The following DOCK8 variants were observed in gnomAD, a reference collection of about 807,000 sequenced individuals.
DOCK8 encodes the protein dedicator of cytokinesis 8.
In DOCK8, 141 loss-of-function variants were observed where a neutral mutation model predicts 245.6. The ratio of observed to expected loss-of-function variants is 0.57; its 90% CI spans 0.50 to 0.66. The LOEUF is 0.66. Ranked by LOEUF, DOCK8 falls within the 30% of genes least tolerant of loss-of-function variation. The probability of loss-of-function intolerance (pLI) is 0.00; values close to 1 mark genes in which losing one functional copy is unlikely to be tolerated. For synonymous variants in DOCK8, 1,168 were observed against 970.2 expected (o/e 1.20, Z -3.79); for missense variants, 2,965 against 2,603.4 (o/e 1.14, Z -3.02).
intron 15 of DOCK8, chr9:369,329 A>T (rs1433926086): frequency 6.6e-6 from 1 of 152,290 alleles, no homozygotes; most frequent in Non-Finnish European, 1.5e-5. Context: ...GGCAACCAAG[A>T]TGCCCAGCCA....
At chr9:274,753 A>C (rs2048279244) in intron 2 of DOCK8, among the ~76,000 whole-genome samples, 1 of 152,104 alleles carries the variant, frequency 6.6e-6, no homozygotes, top group Admixed American at 6.6e-5. Context: ...TCATCTAAAG[A>C]CTCTCAACCT....
intron 1 of DOCK8, among the ~76,000 whole-genome samples, chr9:230,301 C>CATT (rs200079221): frequency 0.011 from 1,695 of 151,286 alleles, 17 homozygotes; most frequent in African/African-American, 0.04. Context: ...TCCAGTCTAT[C>CATT]GTTGGGCATT....
chr9:251,652 C>G (rs2047648687), intron 1 of DOCK8, among the ~76,000 whole-genome samples: 1 of 152,112 alleles, frequency 6.6e-6, no homozygotes, highest in Non-Finnish European at 1.5e-5. Flanking sequence ...ACCAGTAAAG[C>G]CTTGTACAAG....
chr9:231,139 C>G lies in DOCK8; in HGVS notation c.53+16110C>G, dbSNP rs1227019322. 2.6e-5 allele frequency among the ~76,000 whole-genome samples: 4 copies of G among 151,958 alleles called. No individual in the cohort carries two copies. The South Asian group carries it at 8.3e-4, about 32-fold the overall frequency. The stretch of plus-strand genomic sequence containing the variant: ...ACATATGGCTAGCCAGTTTTCCCAG[C>G]ACCATTTATTAAATAGGGAATCCTT... On this transcript the variant is annotated intron_variant, in intron 1 of 47. Transcript: ENST00000432829.
intron 20 of DOCK8, among the ~76,000 whole-genome samples, chr9:378,930 T>A (rs66530828): frequency 6.6e-6 from 1 of 152,120 alleles, no homozygotes; most frequent in African/African-American, 2.4e-5. Context: ...ATCATGTAAC[T>A]CAGTTTCACT....
chr9:454,876 A>G (rs554527370), intron 46 of DOCK8, among the ~76,000 whole-genome samples: 16 of 152,322 alleles, frequency 1.1e-4, no homozygotes, highest in African/African-American at 3.8e-4. Flanking sequence ...TACTCCAAAA[A>G]GAACCAGTGC....
chr9:442,608 G>T (rs934249808), intron 42 of DOCK8, among the ~76,000 whole-genome samples: 2 of 152,200 alleles, frequency 1.3e-5, no homozygotes, highest in Admixed American at 1.3e-4. Context: ...TGGAGAAAAA[G>T]AGAAACAGCC....
At chr9:351,078 G>T (rs184913111) in intron 14 of DOCK8, among the ~76,000 whole-genome samples, 1 of 152,286 alleles carries the variant, frequency 6.6e-6, no homozygotes, top group Admixed American at 6.5e-5. Flanking sequence ...GCACCATATG[G>T]CCAACAGGGG....
Position 370,246 on chromosome 9 carries a change from C to A in DOCK8, c.1814C>A (p.Ser605Tyr). The A allele has an allele frequency of 1.2e-6, 2 of 1,614,074 alleles. No homozygotes were observed. The highest frequency in any genetic ancestry group is 1.7e-6 in the Non-Finnish European group (2 of 1,179,894). ...SNAMPVIFGKSSGPEFLQEVY... is the reference protein window; with the variant it reads ...SNAMPVIFGKYSGPEFLQEVY... ...GGTGAACAGGTCATCTTTGGAAAAT[C>A]CAGCGGGCCTGAATTTCTGCAGGAA... Residue 605 changes from serine to tyrosine, a missense_variant, in exon 16 of 48, where the codon TCC becomes TAC. By Grantham distance (144) the Ser-to-Tyr change is moderately radical. Around this residue, in one of 3 missense-constraint regions of DOCK8, gnomAD observed 2,825 missense variants for 2,453.5 expected, o/e 1.15. Transcript: ENST00000432829.
chr9:446,529 A>C lies in DOCK8; in HGVS notation c.5740A>C (p.Arg1914=). ...TCGGGGAGAGCTGCATGAGCAGTAC[A>C]GAAGGAACACAGTCCTGACCACTAT... ...RPRGELHEQY[R]RNTVLTTMHA... Residue 1914 remains arginine (R), a synonymous_variant, in exon 44 of 48, where the codon AGA becomes CGA. Coordinates refer to ENST00000432829, the MANE Select transcript of DOCK8 (RefSeq NM_203447.4). 14 of 1,614,242 alleles carry C rather than the reference A, an allele frequency of 8.7e-6. No homozygotes were observed. The highest frequency in any genetic ancestry group is 1.2e-5 in the Non-Finnish European group (14 of 1,180,040).
At chr9:222,577 T>A (rs1206036677) in intron 1 of DOCK8, among the ~76,000 whole-genome samples, 2 of 152,192 alleles carry the variant, frequency 1.3e-5, no homozygotes, top group Non-Finnish European at 2.9e-5. Flanking sequence ...CCTCTTCTCT[T>A]AAATGCCTGT....
rs73641541 is a variant in DOCK8 at position 390,199 on chromosome 9, T to C, written c.2875-272T>C. On this transcript the variant is annotated intron_variant, in intron 23 of 47. Coordinates refer to ENST00000432829, the MANE Select transcript of DOCK8 (RefSeq NM_203447.4). ...TACCCAGAATGTTTCCCCCGTAGAA[T>C]AGAGTTTCACTCCCAGGCTGAGTCC... Among the ~76,000 whole-genome samples the C allele has an allele frequency of 0.012, 1,832 of 152,164 alleles. 38 individuals are homozygous for C. The highest frequency in any genetic ancestry group is 0.04 in the African/African-American group (1,660 of 41,496).
intron 2 of DOCK8, among the ~76,000 whole-genome samples, chr9:282,575 C>T (rs1432805428): frequency 1.3e-5 from 2 of 150,206 alleles, no homozygotes; most frequent in South Asian, 2.1e-4. Flanking sequence ...TGTACCACCA[C>T]ACCCATCTAA....
chr9:324,049 T>A (rs892840442), intron 7 of DOCK8, among the ~76,000 whole-genome samples: 1 of 152,194 alleles, frequency 6.6e-6, no homozygotes. Flanking sequence ...AAGGCAAGCA[T>A]CCTTACCTTA....
At chr9:447,277 T>C (rs2057294997) in intron 44 of DOCK8, among the ~76,000 whole-genome samples, 1 of 152,246 alleles carries the variant, frequency 6.6e-6, no homozygotes, top group African/African-American at 2.4e-5. Flanking sequence ...AAACAACTTA[T>C]TATTCTTTAA....
At chr9:396,728 A>G in intron 24 of DOCK8, 57 bp from the exon 25 acceptor site, 2 of 1,607,624 alleles carry the variant, frequency 1.2e-6, no homozygotes, top group Admixed American at 1.7e-5. Context: ...CCTTTTCTGC[A>G]TTGTACAAGC....
intron 28 of DOCK8, among the ~76,000 whole-genome samples, chr9:411,360 C>G (rs1421593555): frequency 6.6e-6 from 1 of 151,962 alleles, no homozygotes; most frequent in Non-Finnish European, 1.5e-5. Flanking sequence ...TTGCAGTGAG[C>G]CAAGATCATG....
intron 5 of DOCK8, among the ~76,000 whole-genome samples, chr9:305,667 T>C (rs10123577): frequency 0.022 from 3,350 of 152,326 alleles, 53 homozygotes; most frequent in African/African-American, 0.036. Context: ...TTTAACACTA[T>C]TCTGTAACTA....
At chr9:376,732 A>G (rs1480070590) in intron 19 of DOCK8, among the ~76,000 whole-genome samples, 2 of 152,232 alleles carry the variant, frequency 1.3e-5, no homozygotes, top group African/African-American at 4.8e-5. Context: ...ACCTCTGCTT[A>G]CAGAACATGT....
Sources: gnomAD v4.1 joint callset for allele counts (sites outside exome capture counted in the v4.1 genomes callset) on GRCh38, gnomAD v4.1.1 for gene constraint, gnomAD v4.1.1 regional missense constraint, MANE v1.5 for transcripts, NCBI Gene and HGNC (gene_info 2026-07-23, HGNC 2026-07-21) for gene names.